CAMK4: variants seen among roughly 807,000 people sequenced by gnomAD.
CAMK4 encodes the protein calcium/calmodulin dependent protein kinase IV.
Under a neutral mutation model 44.9 loss-of-function variants are expected in CAMK4, and 22 were observed. That is an observed-to-expected ratio of 0.49 (90% CI 0.35 to 0.70). The LOEUF (loss-of-function observed/expected upper bound fraction) is 0.70, where lower values mean the gene tolerates loss of function less well. Ranked by LOEUF, CAMK4 falls within the 30% of genes least tolerant of loss-of-function variation. The pLI is 0.01. For missense variants in CAMK4, 498 were observed against 586.8 expected (o/e 0.85, Z 1.56); for synonymous variants, 218 against 215.4 (o/e 1.01, Z -0.11).
intron 2 of CAMK4, among the ~76,000 whole-genome samples, chr5:111,367,625 G>T (rs1750842763): frequency 6.6e-6 from 1 of 152,052 alleles, no homozygotes; most frequent in South Asian, 2.1e-4. Context: ...AAAATTTCTG[G>T]CTGTTATAGC....
At chr5:111,444,636 C>A (rs953987586) in intron 5 of CAMK4, among the ~76,000 whole-genome samples, 2 of 152,206 alleles carry the variant, frequency 1.3e-5, no homozygotes, top group African/African-American at 4.8e-5. Flanking sequence ...CATTTTCATG[C>A]ATGAGCCAGT....
intron 1 of CAMK4, among the ~76,000 whole-genome samples, chr5:111,261,840 T>C (rs991442116): frequency 6.6e-6 from 1 of 152,198 alleles, no homozygotes; most frequent in African/African-American, 2.4e-5. Flanking sequence ...GGCTGGGATA[T>C]GTGCCAATCT....
intron 7 of CAMK4, among the ~76,000 whole-genome samples, chr5:111,463,109 TAG>T (rs1754697799): frequency 6.6e-6 from 1 of 152,192 alleles, no homozygotes; most frequent in African/African-American, 2.4e-5. Context: ...TGGTATCATT[TAG>T]TGTTTTATGA....
intron 2 of CAMK4, among the ~76,000 whole-genome samples, chr5:111,365,672 C>T (rs1750764275): frequency 6.6e-6 from 1 of 152,072 alleles, no homozygotes; most frequent in South Asian, 2.1e-4. Flanking sequence ...AGAAGGATGT[C>T]TATCCTGCTT....
intron 2 of CAMK4, among the ~76,000 whole-genome samples, chr5:111,371,339 G>C (rs1750997694): frequency 6.6e-6 from 1 of 152,172 alleles, no homozygotes; most frequent in African/African-American, 2.4e-5. Flanking sequence ...TAAGCCCACT[G>C]TTTTAATATT....
chr5:111,302,251 C>G (rs1322643961), intron 1 of CAMK4: 2 of 154,330 alleles, frequency 1.3e-5, no homozygotes, highest in African/African-American at 4.8e-5. Flanking sequence ...GCCAAGATGG[C>G]CGAATAGGAA....
intron 2 of CAMK4, among the ~76,000 whole-genome samples, chr5:111,350,554 T>G (rs2112769706): frequency 6.6e-6 from 1 of 152,122 alleles, no homozygotes; most frequent in South Asian, 2.1e-4. Flanking sequence ...TACCTAGATT[T>G]AGAACACTTT....
Position 111,398,281 on chromosome 5 carries a change from A to G in CAMK4, c.459+3499A>G, listed in dbSNP as rs115981511. Among the ~76,000 whole-genome samples the G allele has an allele frequency of 3.0e-3, 451 of 152,354 alleles. 3 individuals carry two copies. Among genetic ancestry groups the G allele is most frequent in the African/African-American group, 0.01 (427 of 41,590 alleles). On this transcript the variant is annotated intron_variant, in intron 5 of 10. Coordinates refer to ENST00000282356, the MANE Select transcript of CAMK4 (RefSeq NM_001744.6). ...CAGAACAGAAGCCACATGTGGCTCA[A>G]CTTGACTCAGGCTTCCTTCCCTAGT...
chr5:111,423,958 A>C (rs2112923310), intron 5 of CAMK4, among the ~76,000 whole-genome samples: 1 of 152,340 alleles, frequency 6.6e-6, no homozygotes, highest in South Asian at 2.1e-4. Flanking sequence ...ATACGAGGAG[A>C]CCAAGACTCA....
intron 1 of CAMK4, among the ~76,000 whole-genome samples, chr5:111,313,979 T>A (rs1221172734): frequency 6.6e-6 from 1 of 152,156 alleles, no homozygotes; most frequent in Non-Finnish European, 1.5e-5. Flanking sequence ...AGGAGTAGAA[T>A]CTTCTTTGTA....
chr5:111,466,879 A>T (rs10058335), intron 7 of CAMK4, among the ~76,000 whole-genome samples: 49,267 of 152,004 alleles, frequency 0.32, 9,499 homozygotes, highest in Middle Eastern at 0.46. Flanking sequence ...AAGAGCCTGC[A>T]TAGCCAAAGC....
chr5:111,272,991 C>T (rs1475113648), intron 1 of CAMK4, among the ~76,000 whole-genome samples: 2 of 152,100 alleles, frequency 1.3e-5, no homozygotes, highest in Admixed American at 1.3e-4. Context: ...GGAAGGTACA[C>T]AAGTGCCATA....
At chr5:111,367,692 A>G (rs1750846055) in intron 2 of CAMK4, among the ~76,000 whole-genome samples, 1 of 152,150 alleles carries the variant, frequency 6.6e-6, no homozygotes, top group African/African-American at 2.4e-5. Context: ...ACCATCACAA[A>G]TGACTGCCAA....
intron 4 of CAMK4, among the ~76,000 whole-genome samples, chr5:111,377,513 G>T (rs1314865035): frequency 6.6e-6 from 1 of 151,014 alleles, no homozygotes; most frequent in African/African-American, 2.4e-5. Context: ...TGAGAATGGA[G>T]GGGGGTGGGG....
chr5:111,483,668 A>G (rs1755508456), intron 10 of CAMK4, among the ~76,000 whole-genome samples: 1 of 152,238 alleles, frequency 6.6e-6, no homozygotes, highest in African/African-American at 2.4e-5. Flanking sequence ...TATCCCCATG[A>G]TGACATCCAT....
At chr5:111,349,839 CAG>C (rs1251540704) in intron 2 of CAMK4, among the ~76,000 whole-genome samples, 4 of 151,906 alleles carry the variant, frequency 2.6e-5, no homozygotes, top group Non-Finnish European at 4.4e-5. Flanking sequence ...ATTTTGGAAA[CAG>C]ATATTTGAAC....
chr5:111,225,577 A>G (rs1200038389), intron 1 of CAMK4, among the ~76,000 whole-genome samples: 1 of 152,180 alleles, frequency 6.6e-6, no homozygotes, highest in Non-Finnish European at 1.5e-5. Context: ...TCAACGGTTG[A>G]CAAGTTGCAG....
rs188301023 is a variant in CAMK4 at position 111,285,797 on chromosome 5, C to T, written c.162-58227C>T. Among the ~76,000 whole-genome samples the T allele has an allele frequency of 1.3e-3, 192 of 152,316 alleles. 1 individual carries two copies. Among genetic ancestry groups the T allele is most frequent in the Admixed American group, 4.7e-3 (72 of 15,298 alleles). ...TTTTTTATCAGCAGGTAAATCTCTA[C>T]TCTATCATTGGGTAGTTTCCCGTGT... On this transcript the variant is annotated intron_variant, in intron 1 of 10. Coordinates refer to ENST00000282356, the MANE Select transcript of CAMK4 (RefSeq NM_001744.6).
chr5:111,425,676 T>A (rs937448439), intron 5 of CAMK4, among the ~76,000 whole-genome samples: 16 of 152,232 alleles, frequency 1.1e-4, no homozygotes, highest in Admixed American at 9.2e-4. Flanking sequence ...AAAATAATCA[T>A]TTTGGCATTG....
Sources: allele counts gnomAD v4.1 joint callset (sites outside exome capture counted in the v4.1 genomes callset), GRCh38; gene constraint gnomAD v4.1.1; transcripts MANE v1.5; gene names NCBI Gene and HGNC (gene_info 2026-07-23, HGNC 2026-07-21).